Variants in ELP4 observed in about 807,000 individuals in gnomAD.
ELP4 encodes the protein elongator complex protein 4.
In ELP4, 51 loss-of-function variants were observed where a neutral mutation model predicts 48.9. That is an observed-to-expected ratio of 1.04 (90% CI 0.83 to 1.32). The LOEUF (loss-of-function observed/expected upper bound fraction) is 1.32, where lower values mean the gene tolerates loss of function less well. Ranked by LOEUF, ELP4 falls within the 40% of genes most tolerant of loss-of-function variation. The probability of loss-of-function intolerance (pLI) is 0.00; values close to 1 mark genes in which losing one functional copy is unlikely to be tolerated. For synonymous variants in ELP4, 210 were observed against 189.2 expected, an observed-to-expected ratio of 1.11 and a Z score of -0.90; for missense variants, 519 against 514.6, an observed-to-expected ratio of 1.01 and a Z score of -0.08.
intron 9 of ELP4, among the ~76,000 whole-genome samples, chr11:31,692,392 C>T (rs1946298855): frequency 6.6e-6 from 1 of 152,132 alleles, no homozygotes; most frequent in African/African-American, 2.4e-5. Context: ...TTAAGTACTT[C>T]TAGTGATAGA....
intron 2 of ELP4, among the ~76,000 whole-genome samples, chr11:31,523,855 A>G (rs1956254477): frequency 6.6e-6 from 1 of 152,184 alleles, no homozygotes; most frequent in South Asian, 2.1e-4. Context: ...AGTCTGTTAC[A>G]TTGGTAAATT....
At chr11:31,687,505 G>A (rs189512731) in intron 9 of ELP4, among the ~76,000 whole-genome samples, 1 of 152,292 alleles carries the variant, frequency 6.6e-6, no homozygotes, top group East Asian at 1.9e-4. Flanking sequence ...GCTCATAGGT[G>A]ACCATTGACC....
chr11:31,668,710 GTGTGTGTGTGTA>G (rs1409158809), intron 9 of ELP4, among the ~76,000 whole-genome samples: 32 of 144,190 alleles, frequency 2.2e-4, no homozygotes, highest in African/African-American at 6.2e-4. Flanking sequence ...GTGTGTGTGT[GTGTGTGTGTGTA>G]AGAACCCTGT....
chr11:31,695,788 A>C (rs4922572), intron 9 of ELP4, among the ~76,000 whole-genome samples: 2 of 105,118 alleles, frequency 1.9e-5, no homozygotes, highest in African/African-American at 3.4e-5. Flanking sequence ...CTGTGAATCC[A>C]TCTGATCCTG....
At chr11:31,722,735 C>A (rs1453895686) in intron 9 of ELP4, among the ~76,000 whole-genome samples, 1 of 151,904 alleles carries the variant, frequency 6.6e-6, no homozygotes, top group African/African-American at 2.4e-5. Context: ...CTTTCTCTCT[C>A]CCCCTTTCTC....
intron 9 of ELP4, among the ~76,000 whole-genome samples, chr11:31,716,605 T>C (rs1681610795): frequency 6.6e-6 from 1 of 152,186 alleles, no homozygotes; most frequent in Non-Finnish European, 1.5e-5. Flanking sequence ...TTGACAGTGA[T>C]AGTAAGAAAT....
At chr11:31,684,130 A>G (rs1946113244) in intron 9 of ELP4, among the ~76,000 whole-genome samples, 1 of 152,254 alleles carries the variant, frequency 6.6e-6, no homozygotes, top group South Asian at 2.1e-4. Context: ...TCCAGAGTTT[A>G]TGTTTATATT....
At chr11:31,570,354 G>A (rs1205684902) in intron 3 of ELP4, among the ~76,000 whole-genome samples, 1 of 152,116 alleles carries the variant, frequency 6.6e-6, no homozygotes, top group African/African-American at 2.4e-5. Context: ...GGAATACAAG[G>A]CAGGAGAGGG....
chr11:31,684,655 T>C (rs141540644), intron 9 of ELP4, among the ~76,000 whole-genome samples: 10 of 152,314 alleles, frequency 6.6e-5, no homozygotes, highest in African/African-American at 2.2e-4. Flanking sequence ...CTGTGACTTA[T>C]GCCAAAAATA....
At chr11:31,699,793 T>C (rs766062013) in intron 9 of ELP4, among the ~76,000 whole-genome samples, 17 of 152,140 alleles carry the variant, frequency 1.1e-4, no homozygotes, top group South Asian at 6.2e-4. Flanking sequence ...ATCACCTTGA[T>C]GTGTAGCCTT....
intron 6 of ELP4, among the ~76,000 whole-genome samples, chr11:31,628,829 A>G (rs1165025700): frequency 6.6e-6 from 1 of 152,118 alleles, no homozygotes; most frequent in South Asian, 2.1e-4. Context: ...TAAATTACTT[A>G]GTATATATAT....
At chr11:31,687,727 C>T (rs1316222647) in intron 9 of ELP4, 3 of 152,062 alleles carry the variant, frequency 2.0e-5, no homozygotes, top group Non-Finnish European at 2.9e-5. Context: ...GATAATTTTT[C>T]AATTATTTTG....
intron 3 of ELP4, among the ~76,000 whole-genome samples, chr11:31,574,150 A>G (rs1028904527): frequency 2.0e-5 from 3 of 152,224 alleles, no homozygotes; most frequent in African/African-American, 7.2e-5. Context: ...TATTCTAGAA[A>G]TAATGCTGAG....
intron 6 of ELP4, among the ~76,000 whole-genome samples, chr11:31,627,890 T>G (rs1302281746): frequency 6.6e-6 from 1 of 152,140 alleles, no homozygotes; most frequent in Non-Finnish European, 1.5e-5. Context: ...TTATTTTTAT[T>G]GAAGAAGACA....
chr11:31,788,451 G>T lies in ELP4; in HGVS notation c.*4927G>T. Reference sequence around the variant, plus strand: ...GGGAAATGATGCCTCTTGTGCAAAGGGGAGGGAGACAGAAAAGGGAGAGGG... The same window carrying T: ...GGGAAATGATGCCTCTTGTGCAAAGTGGAGGGAGACAGAAAAGGGAGAGGG... On this transcript the variant is annotated 3_prime_UTR_variant, in exon 10 of 10. Coordinates refer to ENST00000640961, the MANE Select transcript of ELP4 (RefSeq NM_019040.5). 1 of 223,666 alleles carries T rather than the reference G, an allele frequency of 4.5e-6. No individual in the cohort carries two copies. The highest frequency in any genetic ancestry group is 8.9e-6 in the Non-Finnish European group (1 of 112,038). 13.9% of individuals were successfully genotyped at this position (223,666 alleles called of 1,614,324 possible).
chr11:31,761,206 C>T (rs922714434), intron 9 of ELP4, among the ~76,000 whole-genome samples: 1 of 152,024 alleles, frequency 6.6e-6, no homozygotes, highest in Non-Finnish European at 1.5e-5. Flanking sequence ...GGCATGGTGG[C>T]ACACACTTGT....
chr11:31,683,981 A>G (rs1049370711), intron 9 of ELP4, among the ~76,000 whole-genome samples: 3 of 152,158 alleles, frequency 2.0e-5, no homozygotes, highest in Admixed American at 1.3e-4. Context: ...TATCAGTAAT[A>G]TTTAATGCAT....
Position 31,789,939 on chromosome 11 carries a change from G to GTT in ELP4, c.*6416_*6417insTT. 1 of 744,984 alleles carries GTT rather than the reference G, an allele frequency of 1.3e-6. No homozygotes were observed. The highest frequency in any genetic ancestry group is 2.0e-6 in the Non-Finnish European group (1 of 502,234). 46.1% of individuals were successfully genotyped at this position (744,984 alleles called of 1,614,324 possible). A position where few individuals can be genotyped will look rare whatever the true frequency, so the allele number is the denominator to read the frequency against. On this transcript the variant is annotated 3_prime_UTR_variant, in exon 10 of 10. Transcript: ENST00000640961. ...TTTTTTTTTTTTTTTTTTTTTTACT[G>GTT]TAATCTTGGCCAGTATTGAGACATA...
At chr11:31,672,463 G>C (rs1379837770) in intron 9 of ELP4, among the ~76,000 whole-genome samples, 1 of 152,142 alleles carries the variant, frequency 6.6e-6, no homozygotes, top group Non-Finnish European at 1.5e-5. Flanking sequence ...TAACTTTTTA[G>C]ATATGATTTT....
Sources: allele counts gnomAD v4.1 joint callset (sites outside exome capture counted in the v4.1 genomes callset), GRCh38; gene constraint gnomAD v4.1.1; transcripts MANE v1.5; gene names NCBI Gene and HGNC (gene_info 2026-07-23, HGNC 2026-07-21).